RAPGEF4: variants seen among roughly 807,000 people sequenced by gnomAD.
RAPGEF4 encodes the protein RAP guanine-nucleotide-exchange factor (GEF) 4.
Under a neutral mutation model 147.9 loss-of-function variants are expected in RAPGEF4, and 66 were observed. The observed-to-expected ratio is 0.45, with a 90% CI of 0.37 to 0.55. RAPGEF4 has a LOEUF of 0.55. Among genes scored for constraint, RAPGEF4 ranks in the 20% least tolerant of loss-of-function variants. RAPGEF4 has a pLI of 0.00. For synonymous variants in RAPGEF4, 419 were observed against 442.7 expected (o/e 0.95, Z 0.67); for missense variants, 1,071 against 1,257.3 (o/e 0.85, Z 2.24).
chr2:172,807,735 C>A (rs1166980968), intron 3 of RAPGEF4, among the ~76,000 whole-genome samples: 2 of 152,132 alleles, frequency 1.3e-5, no homozygotes, highest in African/African-American at 4.8e-5. Context: ...CACTGCAGTC[C>A]AGCCTGGGCA....
intron 1 of RAPGEF4, among the ~76,000 whole-genome samples, chr2:172,737,823 G>A (rs572758057): frequency 1.3e-5 from 2 of 152,256 alleles, no homozygotes; most frequent in South Asian, 4.1e-4. Flanking sequence ...TCTGATATTG[G>A]ACATGTCACT....
rs528472294 is a variant in RAPGEF4, at chr2:172,856,021, T to G, written c.444+41596T>G. Among the ~76,000 whole-genome samples the G allele has an allele frequency of 3.9e-5, 6 of 152,264 alleles. No homozygotes were observed. In the East Asian group the frequency reaches 1.2e-3, roughly 29 times the overall value. On this transcript the variant is annotated intron_variant, in intron 4 of 30. Coordinates refer to ENST00000397081, the MANE Select transcript of RAPGEF4 (RefSeq NM_007023.4). ...TTTATATCGTTTTTTAACCAAATTT[T>G]GGGAAATTTGAGGTATTATTTCTTT...
chr2:172,949,260 C>T (rs559863148), intron 6 of RAPGEF4, among the ~76,000 whole-genome samples: 1 of 152,034 alleles, frequency 6.6e-6, no homozygotes, highest in Non-Finnish European at 1.5e-5. Context: ...CACAAAGCAC[C>T]GCAGGGATTC....
chr2:173,038,962 C>A (rs1461357787), intron 29 of RAPGEF4, among the ~76,000 whole-genome samples: 1 of 152,110 alleles, frequency 6.6e-6, no homozygotes, highest in Admixed American at 6.5e-5. Flanking sequence ...CATTCCTCTC[C>A]CCATTTCTGC....
chr2:172,799,076 G>C (rs1339470722), intron 3 of RAPGEF4, among the ~76,000 whole-genome samples: 1 of 152,128 alleles, frequency 6.6e-6, no homozygotes, highest in African/African-American at 2.4e-5. Context: ...GTTTCGAATG[G>C]GAAGGAGAAC....
intron 1 of RAPGEF4, chr2:172,736,318 C>A: frequency 3.6e-6 from 1 of 277,360 alleles, no homozygotes. Context: ...CAACCCCCTG[C>A]CCTGCCGCGA....
At chr2:173,002,251 A>G (rs17302307) in intron 17 of RAPGEF4, among the ~76,000 whole-genome samples, 47,343 of 152,026 alleles carry the variant, frequency 0.31, 7,492 homozygotes, top group Non-Finnish European at 0.34. Context: ...TCCTCTAGAT[A>G]CCAAAATTTC....
At position 173,012,224 on chromosome 2, in the gene RAPGEF4, G is replaced by A. The variant is rs189562434; in HGVS notation, c.1659-2240G>A. On this transcript the variant is annotated intron_variant, in intron 17 of 30. Coordinates refer to ENST00000397081, the MANE Select transcript of RAPGEF4 (RefSeq NM_007023.4). ...GGAAGAAGCCTAGCCTCAGGTACCC[G>A]GTGAGGAACACGCATGGTCCATAGT... 1.5e-4 allele frequency among the ~76,000 whole-genome samples: 23 copies of A among 152,298 alleles called. No homozygotes were observed. In the South Asian group the frequency reaches 1.7e-3, roughly 11 times the overall value.
rs1696612968 is a variant in RAPGEF4 at position 172,881,404 on chromosome 2, CT to C, written c.445-36397del. On this transcript the variant is annotated intron_variant, in intron 4 of 30. Coordinates refer to ENST00000397081, the MANE Select transcript of RAPGEF4 (RefSeq NM_007023.4). ...ATTTCCACATTGGTTGAATTCTTTC[CT>C]ATTTAATGCCAATATTTTATGTATT... is the stretch of plus-strand genomic sequence containing the variant. 5.3e-5 allele frequency among the ~76,000 whole-genome samples: 8 copies of C among 152,280 alleles called. No individual in the cohort carries two copies. In the South Asian group the frequency reaches 1.7e-3, roughly 32 times the overall value.
chr2:172,885,664 A>G (rs1697125041), intron 4 of RAPGEF4, among the ~76,000 whole-genome samples: 2 of 152,126 alleles, frequency 1.3e-5, no homozygotes, highest in African/African-American at 4.8e-5. Context: ...AGACTTATTC[A>G]CCACCACGAG....
intron 14 of RAPGEF4, among the ~76,000 whole-genome samples, chr2:172,990,270 G>C (rs555485824): frequency 1.3e-5 from 2 of 152,224 alleles, no homozygotes; most frequent in East Asian, 3.9e-4. Context: ...TTCTTTGAAC[G>C]AATCAGATTA....
chr2:172,926,359 T>G (rs1225431272), intron 6 of RAPGEF4, among the ~76,000 whole-genome samples: 1 of 152,188 alleles, frequency 6.6e-6, no homozygotes, highest in Non-Finnish European at 1.5e-5. Context: ...ATGCAGATTG[T>G]GTTGCTTATT....
At chr2:172,973,987 A>G (rs1264338141) in intron 10 of RAPGEF4, among the ~76,000 whole-genome samples, 2 of 152,230 alleles carry the variant, frequency 1.3e-5, no homozygotes, top group South Asian at 2.1e-4. Flanking sequence ...AAGGAATTCA[A>G]TAATACCTGC....
chr2:173,000,741 T>C (rs937175988), intron 16 of RAPGEF4, among the ~76,000 whole-genome samples: 1 of 87,846 alleles, frequency 1.1e-5, no homozygotes, highest in Non-Finnish European at 2.7e-5. Flanking sequence ...TTCTTTCTTT[T>C]CTTTCTTTCT....
chr2:172,998,919 C>T (rs1051559238), intron 16 of RAPGEF4, among the ~76,000 whole-genome samples: 2 of 152,320 alleles, frequency 1.3e-5, no homozygotes, highest in East Asian at 3.9e-4. Context: ...GCTATAAGAT[C>T]TTTACCACCC....
intron 24 of RAPGEF4, 150 bp from the exon 25 acceptor site, chr2:173,026,931 T>A: frequency 1.2e-6 from 1 of 831,918 alleles, no homozygotes; most frequent in South Asian, 2.1e-5. Flanking sequence ...TAGTTTATAT[T>A]TATATATTTA....
chr2:172,774,857 T>G (rs921483539), intron 1 of RAPGEF4, among the ~76,000 whole-genome samples: 1 of 152,234 alleles, frequency 6.6e-6, no homozygotes, highest in Non-Finnish European at 1.5e-5. Flanking sequence ...ATGCTAGACA[T>G]GTACCAGTAT....
chr2:173,017,138 T>A, intron 19 of RAPGEF4, 36 bp from the exon 20 acceptor site: 1 of 1,593,638 alleles, frequency 6.3e-7, no homozygotes, highest in Non-Finnish European at 8.6e-7. Context: ...ATAGTAGCAA[T>A]GGTATTAAAT....
At chr2:172,981,856 C>G (rs929280385) in intron 10 of RAPGEF4, among the ~76,000 whole-genome samples, 5 of 152,214 alleles carry the variant, frequency 3.3e-5, no homozygotes, top group African/African-American at 1.2e-4. Flanking sequence ...GAGTACTTAT[C>G]TAATAATCAG....
Sources: allele counts gnomAD v4.1 joint callset (sites outside exome capture counted in the v4.1 genomes callset), GRCh38; gene constraint gnomAD v4.1.1; transcripts MANE v1.5; gene names NCBI Gene and HGNC (gene_info 2026-07-23, HGNC 2026-07-21).